The following NR2C2 variants were observed in gnomAD, a reference collection of about 807,000 sequenced individuals.
NR2C2 encodes the protein Nuclear hormone receptor TR4.
Under a neutral mutation model 62.9 loss-of-function variants are expected in NR2C2, and 6 were observed. That is an observed-to-expected ratio of 0.10 (90% CI 0.05 to 0.19). NR2C2 has a LOEUF of 0.19. Ranked by LOEUF, NR2C2 falls within the 10% of genes least tolerant of loss-of-function variation. The pLI is 1.00. For synonymous variants in NR2C2, 272 were observed against 273.8 expected, an observed-to-expected ratio of 0.99 and a Z score of 0.07; for missense variants, 479 against 762.7, an observed-to-expected ratio of 0.63 and a Z score of 4.38.
In NR2C2 at chr3:14,997,188, G is replaced by T. The variant is rs575372799; in HGVS notation, c.-39-6688G>T. ...AGATACTTACCATTCTGTTAGAGTC[G>T]GTTATAGTATTCACCACAGTCACAT... On this transcript the variant is annotated intron_variant, in intron 1 of 13. Coordinates refer to ENST00000425241, the MANE Select transcript of NR2C2 (RefSeq NM_001291694.2). Among the ~76,000 whole-genome samples, 33 of 152,228 alleles carry T rather than the reference G, an allele frequency of 2.2e-4. 4 individuals are homozygous for T. Among genetic ancestry groups the T allele is most frequent in the South Asian group, 2.1e-3 (10 of 4,824 alleles).
At chr3:14,963,683 G>A (rs982706089) in intron 1 of NR2C2, among the ~76,000 whole-genome samples, 3 of 152,096 alleles carry the variant, frequency 2.0e-5, no homozygotes, top group Non-Finnish European at 2.9e-5. Context: ...TGTTAGCCAG[G>A]ATGGTCTCCA....
At chr3:14,999,145 T>C (rs977144716) in intron 1 of NR2C2, among the ~76,000 whole-genome samples, 2 of 152,166 alleles carry the variant, frequency 1.3e-5, no homozygotes, top group African/African-American at 4.8e-5. Context: ...GCAGAAACCC[T>C]GTCTCTACTA....
intron 1 of NR2C2, among the ~76,000 whole-genome samples, chr3:15,000,813 GGT>G (rs1491313660): frequency 1.4e-5 from 2 of 141,446 alleles, no homozygotes; most frequent in Non-Finnish European, 3.1e-5. Context: ...TATTTATTTA[GGT>G]TTTTTTTTTT....
intron 1 of NR2C2, among the ~76,000 whole-genome samples, chr3:14,967,762 A>G (rs1375233047): frequency 6.6e-6 from 1 of 152,344 alleles, no homozygotes; most frequent in Non-Finnish European, 1.5e-5. Context: ...AGTAACCAAA[A>G]CAGCATGGTA....
At chr3:15,013,349 A>G (rs1430141103) in intron 2 of NR2C2, among the ~76,000 whole-genome samples, 1 of 152,224 alleles carries the variant, frequency 6.6e-6, no homozygotes, top group African/African-American at 2.4e-5. Context: ...AGGGCATTTT[A>G]ATTCTAAAAA....
chr3:15,021,132 T>C (rs1308016770), intron 5 of NR2C2, among the ~76,000 whole-genome samples, 200 bp downstream of exon 5: 3 of 152,172 alleles, frequency 2.0e-5, no homozygotes, highest in Non-Finnish European at 2.9e-5. Context: ...CTGCTGTGTG[T>C]GTGGAAAGCC....
chr3:15,007,374 G>T (rs2041212824), intron 2 of NR2C2, among the ~76,000 whole-genome samples: 1 of 151,886 alleles, frequency 6.6e-6, no homozygotes, highest in African/African-American at 2.4e-5. Flanking sequence ...TGATCCGCCT[G>T]CCTCGGCCTC....
At chr3:15,036,368 C>G (rs2042103292) in intron 11 of NR2C2, among the ~76,000 whole-genome samples, 2 of 152,306 alleles carry the variant, frequency 1.3e-5, no homozygotes, top group African/African-American at 2.4e-5. Flanking sequence ...GAATAGGAGG[C>G]AGCCATTGTA....
chr3:14,965,110 C>G (rs184435095), intron 1 of NR2C2, among the ~76,000 whole-genome samples: 1 of 152,314 alleles, frequency 6.6e-6, no homozygotes, highest in East Asian at 1.9e-4. Context: ...CATACAAACT[C>G]CCCACAGACA....
At chr3:15,005,513 G>A (rs2041147721) in intron 2 of NR2C2, among the ~76,000 whole-genome samples, 2 of 135,134 alleles carry the variant, frequency 1.5e-5, no homozygotes, top group South Asian at 2.3e-4. Context: ...CAGCGTGCGT[G>A]GCCAACTTTT....
At chr3:15,005,212 G>T (rs1388645092) in intron 2 of NR2C2, among the ~76,000 whole-genome samples, 1 of 151,360 alleles carries the variant, frequency 6.6e-6, no homozygotes, top group African/African-American at 2.4e-5. Context: ...TTTGAGACAG[G>T]GTCTTGCTCT....
At chr3:15,026,702 T>C (rs1253358495) in intron 7 of NR2C2, 1 of 145,960 alleles carries the variant, frequency 6.9e-6, no homozygotes, top group Non-Finnish European at 1.5e-5. Flanking sequence ...ATAATGCACC[T>C]CTGTTTTTTT....
At chr3:14,996,928 G>GCCTGTGGGTACTCCA (rs1559553440) in intron 1 of NR2C2, among the ~76,000 whole-genome samples, 1 of 152,210 alleles carries the variant, frequency 6.6e-6, no homozygotes, top group Non-Finnish European at 1.5e-5. Context: ...AGATTCCATA[G>GCCTGTGGGTACTCCA]CCTGTGGGTA....
intron 6 of NR2C2, among the ~76,000 whole-genome samples, chr3:15,023,731 C>T (rs1006037293): frequency 6.6e-6 from 1 of 152,318 alleles, no homozygotes; most frequent in South Asian, 2.1e-4. Context: ...ATTGAACTTA[C>T]TTTAAAAGGA....
At chr3:14,972,834 T>G (rs1574946300) in intron 1 of NR2C2, among the ~76,000 whole-genome samples, 1 of 150,784 alleles carries the variant, frequency 6.6e-6, no homozygotes, top group Non-Finnish European at 1.5e-5. Context: ...ACCAAGAGAG[T>G]GGGGGGAGGT....
At chr3:14,975,965 G>A (rs2040192404) in intron 1 of NR2C2, among the ~76,000 whole-genome samples, 1 of 151,916 alleles carries the variant, frequency 6.6e-6, no homozygotes, top group Non-Finnish European at 1.5e-5. Context: ...TTAGAGACAG[G>A]GTTTCGCCAT....
At chr3:15,027,273 A>G (rs1348706577) in intron 7 of NR2C2, among the ~76,000 whole-genome samples, 8 of 152,214 alleles carry the variant, frequency 5.3e-5, no homozygotes, top group Admixed American at 5.2e-4. Flanking sequence ...TGCTGGGATT[A>G]TAGGCGTGAG....
At chr3:14,958,335 T>C (rs562410413) in intron 1 of NR2C2, among the ~76,000 whole-genome samples, 100 of 152,052 alleles carry the variant, frequency 6.6e-4, no homozygotes, top group South Asian at 1.9e-3. Flanking sequence ...AGATCTTCTG[T>C]AGCACTTTTT....
Position 14,967,428 on chromosome 3 carries a change from T to C in NR2C2, c.-40+19522T>C, listed in dbSNP as rs1424868350. On this transcript the variant is annotated intron_variant, in intron 1 of 13. Transcript: ENST00000425241. ...TGGCTAGAATATAAAAATCAGATAG[T>C]AAACACTGGAAAGGAAGTGGAAAAA... Among the ~76,000 whole-genome samples, 3 of 152,192 alleles carry C rather than the reference T, an allele frequency of 2.0e-5. No individual in the cohort carries two copies. The East Asian group carries it at 5.8e-4, about 29-fold the overall frequency.
Sources: allele counts gnomAD v4.1 joint callset (sites outside exome capture counted in the v4.1 genomes callset), GRCh38; gene constraint gnomAD v4.1.1; transcripts MANE v1.5; gene names NCBI Gene and HGNC (gene_info 2026-07-23, HGNC 2026-07-21).